The following RAPGEF2 variants were observed in gnomAD, a reference collection of about 807,000 sequenced individuals.
The protein encoded by RAPGEF2 is PDZ domain containing guanine nucleotide exchange factor (GEF) 1.
A neutral mutation model predicts 186.7 loss-of-function variants in RAPGEF2; 54 were observed. That is an observed-to-expected ratio of 0.29 (90% CI 0.23 to 0.36). RAPGEF2 has a LOEUF of 0.36. Ranked by LOEUF, RAPGEF2 falls within the 10% of genes least tolerant of loss-of-function variation. The pLI is 1.00. For missense variants in RAPGEF2, 1,532 were observed against 2,045.0 expected, an observed-to-expected ratio of 0.75 and a Z score of 4.84; for synonymous variants, 712 against 705.9, an observed-to-expected ratio of 1.01 and a Z score of -0.14.
intron 7 of RAPGEF2, among the ~76,000 whole-genome samples, chr4:159,252,849 A>G (rs1579620578): frequency 1.3e-5 from 2 of 152,296 alleles, no homozygotes; most frequent in East Asian, 3.9e-4. Context: ...TTTGTTTATT[A>G]TTTACCATAT....
intron 19 of RAPGEF2, 130 bp from the exon 20 acceptor site, chr4:159,341,434 A>T: frequency 1.0e-6 from 1 of 958,750 alleles, no homozygotes; most frequent in Non-Finnish European, 1.5e-6. Context: ...TGTCTTGGTT[A>T]AAAAGAAATC....
chr4:159,126,952 A>G (rs1225432705), intron 1 of RAPGEF2, among the ~76,000 whole-genome samples: 6 of 152,174 alleles, frequency 3.9e-5, no homozygotes, highest in African/African-American at 2.4e-5. Flanking sequence ...AACTGCTCCT[A>G]CGTTTGAATT....
chr4:159,195,922 G>A (rs1748611697), intron 3 of RAPGEF2, among the ~76,000 whole-genome samples: 1 of 131,076 alleles, frequency 7.6e-6, no homozygotes, highest in Non-Finnish European at 1.5e-5. Flanking sequence ...TAGGCTTAGA[G>A]GTTTAGACAG....
chr4:159,331,393 C>A, intron 13 of RAPGEF2, 38 bp from the exon 14 acceptor site: 1 of 1,368,570 alleles, frequency 7.3e-7, no homozygotes, highest in Non-Finnish European at 1.0e-6. Context: ...ATTTTTGGCA[C>A]TAAAAAGGAA....
intron 1 of RAPGEF2, among the ~76,000 whole-genome samples, chr4:159,124,795 A>AG (rs1740103825): frequency 2.0e-5 from 3 of 152,158 alleles, no homozygotes; most frequent in Non-Finnish European, 2.9e-5. Context: ...ATATACTCTG[A>AG]GGGGAAAAAA....
chr4:159,284,467 C>T (rs1300858466), intron 7 of RAPGEF2, among the ~76,000 whole-genome samples: 1 of 147,684 alleles, frequency 6.8e-6, no homozygotes, highest in African/African-American at 2.5e-5. Context: ...ATGCCTACCT[C>T]CCACCGCCAT....
intron 6 of RAPGEF2, among the ~76,000 whole-genome samples, chr4:159,241,616 T>G (rs1754018800): frequency 6.6e-6 from 1 of 150,966 alleles, no homozygotes; most frequent in Non-Finnish European, 1.5e-5. Context: ...CATGATATGA[T>G]TAGTTTTTAA....
chr4:159,163,782 A>AG (rs1182755540), intron 1 of RAPGEF2, among the ~76,000 whole-genome samples: 7 of 151,164 alleles, frequency 4.6e-5, no homozygotes, highest in African/African-American at 1.7e-4. Flanking sequence ...AATGCCAAGA[A>AG]GGGGTTACTG....
At chr4:159,137,786 A>G (rs1353476004) in intron 1 of RAPGEF2, among the ~76,000 whole-genome samples, 1 of 150,894 alleles carries the variant, frequency 6.6e-6, no homozygotes, top group Non-Finnish European at 1.5e-5. Flanking sequence ...CTTACATGGT[A>G]GAGTGTTTTA....
intron 1 of RAPGEF2, among the ~76,000 whole-genome samples, chr4:159,185,430 G>A (rs537198397): frequency 6.6e-6 from 1 of 152,172 alleles, no homozygotes; most frequent in East Asian, 1.9e-4. Context: ...TCCATCAATT[G>A]ATAAATGGGC....
At chr4:159,269,905 T>A (rs1000510400) in intron 7 of RAPGEF2, among the ~76,000 whole-genome samples, 1 of 152,190 alleles carries the variant, frequency 6.6e-6, no homozygotes, top group East Asian at 1.9e-4. Context: ...AACACATTAC[T>A]ACATTTATGT....
chr4:159,261,322 A>G (rs1406217230), intron 7 of RAPGEF2, among the ~76,000 whole-genome samples: 1 of 152,162 alleles, frequency 6.6e-6, no homozygotes, highest in Non-Finnish European at 1.5e-5. Context: ...TTGACCTCCC[A>G]AAGTGCTGGG....
intron 1 of RAPGEF2, among the ~76,000 whole-genome samples, chr4:159,185,648 G>A (rs1747483373): frequency 6.6e-6 from 1 of 152,150 alleles, no homozygotes. Flanking sequence ...TAGTTTAGTG[G>A]TTGTCAGGAG....
intron 1 of RAPGEF2, among the ~76,000 whole-genome samples, chr4:159,130,000 G>A (rs950327287): frequency 6.6e-6 from 1 of 152,186 alleles, no homozygotes; most frequent in African/African-American, 2.4e-5. Flanking sequence ...GGAAAGGGGT[G>A]GGGATTTTCC....
chr4:159,203,356 G>A (rs1193991247), intron 3 of RAPGEF2, among the ~76,000 whole-genome samples: 1 of 152,166 alleles, frequency 6.6e-6, no homozygotes, highest in Non-Finnish European at 1.5e-5. Flanking sequence ...ATTATGTAGT[G>A]TATATATTGG....
intron 3 of RAPGEF2, among the ~76,000 whole-genome samples, chr4:159,195,877 T>TC (rs1382947191): frequency 2.4e-5 from 1 of 40,896 alleles, no homozygotes; most frequent in African/African-American, 2.9e-4. Flanking sequence ...ACATACCTGT[T>TC]TTTTTTTTTT....
intron 1 of RAPGEF2, among the ~76,000 whole-genome samples, 172 bp downstream of exon 1, chr4:159,104,403 C>G (rs555383018): frequency 6.6e-6 from 1 of 151,054 alleles, no homozygotes; most frequent in Admixed American, 6.6e-5. Flanking sequence ...CTCCGCCTAT[C>G]CTGGTTTTAT....
intron 26 of RAPGEF2, among the ~76,000 whole-genome samples, chr4:159,350,681 AAC>A (rs1731048842): frequency 6.6e-6 from 1 of 152,194 alleles, no homozygotes; most frequent in Admixed American, 6.5e-5. Flanking sequence ...TCATTGTATT[AAC>A]ACAGGTCTTG....
chr4:159,343,534 T>C, intron 22 of RAPGEF2, 130 bp downstream of exon 22: 1 of 1,207,002 alleles, frequency 8.3e-7, no homozygotes, highest in South Asian at 1.5e-5. Flanking sequence ...TAGGATGTGC[T>C]GAGAATCACC....
Sources: allele counts gnomAD v4.1 joint callset (sites outside exome capture counted in the v4.1 genomes callset), GRCh38; gene constraint gnomAD v4.1.1; transcripts MANE v1.5; gene names NCBI Gene and HGNC (gene_info 2026-07-23, HGNC 2026-07-21).